Variants in ATRX observed in about 807,000 individuals in gnomAD.
The protein encoded by ATRX is ATRX chromatin remodeler.
In ATRX, 12 loss-of-function variants were observed where a neutral mutation model predicts 172.6. That is an observed-to-expected ratio of 0.07 (90% confidence interval 0.04 to 0.11). The LOEUF (loss-of-function observed/expected upper bound fraction) is 0.11, where lower values mean the gene tolerates loss of function less well. ATRX is among the 10% of genes least tolerant of loss of function. ATRX has a pLI of 1.00. For missense variants in ATRX, 1,368 were observed against 1,767.4 expected (o/e 0.77, Z 4.05); for synonymous variants, 674 against 594.7 (o/e 1.13, Z -1.94).
At chrX:77,571,601 G>A (rs2065413771) in intron 28 of ATRX, among the ~76,000 whole-genome samples, 1 of 111,794 alleles carries the variant, frequency 8.9e-6, no homozygotes, top group Non-Finnish European at 1.9e-5. Context: ...AAAGGGTAGT[G>A]AGAGAGAGCG....
chrX:77,645,366 T>C (rs781922369), intron 15 of ATRX, among the ~76,000 whole-genome samples: 45 of 111,686 alleles, frequency 4.0e-4, no homozygotes, highest in African/African-American at 1.4e-3. Context: ...CTTAAGCTCC[T>C]GGCCTCAAGT....
At chrX:77,527,473 T>C (rs1449903753) in intron 30 of ATRX, among the ~76,000 whole-genome samples, 5 of 111,996 alleles carry the variant, frequency 4.5e-5, no homozygotes, top group African/African-American at 9.7e-5. Context: ...CCATGGATCT[T>C]TGCAACATGC....
chrX:77,715,218 C>T (rs781942812), intron 2 of ATRX, among the ~76,000 whole-genome samples: 42 of 112,022 alleles, frequency 3.7e-4, no homozygotes, highest in African/African-American at 1.2e-3. Flanking sequence ...ACCACATATA[C>T]ATCGGTGGTC....
intron 19 of ATRX, among the ~76,000 whole-genome samples, chrX:77,632,323 T>C (rs2068147603): frequency 9.0e-6 from 1 of 111,562 alleles, no homozygotes; most frequent in African/African-American, 3.3e-5. Context: ...CAAGGAAATC[T>C]TGTGGAAAAA....
At chrX:77,717,266 A>T in intron 1 of ATRX, 23 bp from the exon 2 acceptor site, 1 of 1,080,674 alleles carries the variant, frequency 9.3e-7, no homozygotes, top group Non-Finnish European at 1.3e-6. Flanking sequence ...AATTTAAAGA[A>T]TTCCCTTAAT....
intron 15 of ATRX, among the ~76,000 whole-genome samples, chrX:77,636,957 G>T (rs1484848649): frequency 1.0e-5 from 1 of 99,559 alleles, no homozygotes; most frequent in African/African-American, 3.9e-5. Context: ...AAGGAGGAAG[G>T]AGGAGGAAGA....
intron 7 of ATRX, among the ~76,000 whole-genome samples, chrX:77,687,903 A>G (rs782271669): frequency 1.8e-5 from 2 of 112,095 alleles, no homozygotes; most frequent in South Asian, 7.4e-4. Flanking sequence ...TAGCAGGAAT[A>G]TGAGTTAAGA....
chrX:77,733,500 C>G (rs1321827273), intron 1 of ATRX, among the ~76,000 whole-genome samples: 3 of 110,388 alleles, frequency 2.7e-5, no homozygotes, highest in Non-Finnish European at 5.7e-5. Flanking sequence ...CAAATCCACA[C>G]ATCTACGGTG....
intron 10 of ATRX, among the ~76,000 whole-genome samples, chrX:77,672,650 AT>A (rs1459421058): frequency 9.0e-6 from 1 of 110,694 alleles, no homozygotes; most frequent in African/African-American, 3.3e-5. Context: ...CAATGGGACA[AT>A]TTTTTTTAGC....
intron 30 of ATRX, among the ~76,000 whole-genome samples, chrX:77,529,440 T>A (rs1458827657): frequency 9.0e-6 from 1 of 111,495 alleles, no homozygotes; most frequent in Non-Finnish European, 1.9e-5. Flanking sequence ...AGAAAGCCCA[T>A]CAGACTAACA....
chrX:77,622,919 G>A (rs989101991), intron 19 of ATRX, among the ~76,000 whole-genome samples: 1 of 110,189 alleles, frequency 9.1e-6, no homozygotes, highest in African/African-American at 3.3e-5. Context: ...GTGCTAAGAG[G>A]AAAGTTCATA....
At position 77,508,212 on chromosome X, in the gene ATRX, A is replaced by G. The variant is rs1167707504; in HGVS notation, c.*139T>C. On this transcript the variant is annotated 3_prime_UTR_variant, in exon 35 of 35. Coordinates refer to ENST00000373344, the MANE Select transcript of ATRX (RefSeq NM_000489.6). Reference sequence around the variant, plus strand: ...TGGTATGCCCTATTTAAAAAAAAAAAAAGTAAAACTAATATGGAAGATTGG... The same window carrying G: ...TGGTATGCCCTATTTAAAAAAAAAAGAAGTAAAACTAATATGGAAGATTGG... 2 of 784,950 alleles carry G rather than the reference A, an allele frequency of 2.5e-6. No homozygotes were observed. Among genetic ancestry groups the G allele is most frequent in the African/African-American group, 4.2e-5 (2 of 47,156 alleles). 64.7% of individuals were successfully genotyped at this position (784,950 alleles called of 1,213,427 possible).
At chrX:77,634,492 C>T (rs2068255789) in intron 17 of ATRX, 102 bp downstream of exon 17, 7 of 692,976 alleles carry the variant, frequency 1.0e-5, no homozygotes, top group Non-Finnish European at 1.6e-5. Flanking sequence ...TTGTTCACTG[C>T]TTTATCTTCA....
At chrX:77,721,399 A>G (rs1476228602) in intron 1 of ATRX, among the ~76,000 whole-genome samples, 2 of 111,947 alleles carry the variant, frequency 1.8e-5, no homozygotes, top group Non-Finnish European at 3.8e-5. Context: ...CTGTCTGCAG[A>G]TGAAATGATT....
At chrX:77,526,511 C>A (rs2147779745) in intron 30 of ATRX, among the ~76,000 whole-genome samples, 1 of 111,626 alleles carries the variant, frequency 9.0e-6, no homozygotes, top group South Asian at 3.8e-4. Context: ...CCAAGCTGGC[C>A]AGGCTGGTCT....
chrX:77,694,099 T>C (rs1557148437), intron 5 of ATRX, among the ~76,000 whole-genome samples, 162 bp from the exon 6 acceptor site: 4 of 111,796 alleles, frequency 3.6e-5, no homozygotes, highest in Admixed American at 2.9e-4. Context: ...AACAGGGAAA[T>C]AGTAAAAGGG....
chrX:77,632,331 A>G (rs1395793017), intron 19 of ATRX, among the ~76,000 whole-genome samples: 1 of 111,639 alleles, frequency 9.0e-6, no homozygotes, highest in African/African-American at 3.3e-5. Context: ...TCTTGTGGAA[A>G]AAATCTGCTA....
chrX:77,593,863 A>G lies in ATRX; in HGVS notation c.5957-14T>C. 8.4e-7 allele frequency: 1 copy of G among 1,197,214 alleles called. No individual in the cohort carries two copies. Among genetic ancestry groups the G allele is most frequent in the Non-Finnish European group, 1.1e-6 (1 of 882,882 alleles). On this transcript the variant is annotated splice_polypyrimidine_tract_variant and intron_variant, in intron 25 of 34. Coordinates refer to ENST00000373344, the MANE Select transcript of ATRX (RefSeq NM_000489.6). Reference sequence around the variant, plus strand: ...AAGTAGCTTTACCTAAATAAGACAAATGGAACATAAGTAGGTAAATTAGAA... The same window carrying G: ...AAGTAGCTTTACCTAAATAAGACAAGTGGAACATAAGTAGGTAAATTAGAA...
intron 34 of ATRX, among the ~76,000 whole-genome samples, chrX:77,511,517 C>G (rs1557036514): frequency 9.0e-6 from 1 of 111,518 alleles, no homozygotes; most frequent in Non-Finnish European, 1.9e-5. Flanking sequence ...ATATATGTGA[C>G]AGAGAATTCA....
Sources: allele counts gnomAD v4.1 joint callset (sites outside exome capture counted in the v4.1 genomes callset), GRCh38; gene constraint gnomAD v4.1.1; transcripts MANE v1.5; gene names NCBI Gene and HGNC (gene_info 2026-07-23, HGNC 2026-07-21).